The following FNBP1 variants were observed in gnomAD, a reference collection of about 807,000 sequenced individuals.
FNBP1 encodes formin-binding protein 1.
Under a neutral mutation model 90.6 loss-of-function variants are expected in FNBP1, and 26 were observed. The ratio of observed to expected loss-of-function variants is 0.29; its 90% CI spans 0.21 to 0.40. The LOEUF is 0.40. Among genes scored for constraint, FNBP1 ranks in the 10% least tolerant of loss-of-function variants. FNBP1 has a pLI of 1.00. For synonymous variants in FNBP1, 260 were observed against 265.2 expected, an observed-to-expected ratio of 0.98 and a Z score of 0.19; for missense variants, 635 against 768.0, an observed-to-expected ratio of 0.83 and a Z score of 2.05.
intron 1 of FNBP1, among the ~76,000 whole-genome samples, chr9:130,005,774 G>A (rs1049029125): frequency 6.6e-6 from 1 of 152,244 alleles, no homozygotes; most frequent in African/African-American, 2.4e-5. Flanking sequence ...AGAATTAGAA[G>A]GTTTATTTGT....
At chr9:129,925,990 G>C (rs1386641563) in intron 8 of FNBP1, among the ~76,000 whole-genome samples, 1 of 150,730 alleles carries the variant, frequency 6.6e-6, no homozygotes, top group Non-Finnish European at 1.5e-5. Context: ...GTTTGTTTTT[G>C]AGACAGAGTC....
At chr9:129,898,366 C>G (rs1351397219) in intron 15 of FNBP1, among the ~76,000 whole-genome samples, 1 of 152,176 alleles carries the variant, frequency 6.6e-6, no homozygotes, top group East Asian at 1.9e-4. Context: ...TCCAGCCACA[C>G]CACACCCATT....
chr9:129,993,224 C>CA (rs200526839), intron 2 of FNBP1, among the ~76,000 whole-genome samples: 106,164 of 129,912 alleles, frequency 0.82, 43,540 homozygotes, highest in East Asian at 0.9. Context: ...GAGACTGTCT[C>CA]AAAAAAAAAA....
At chr9:129,905,290 G>GTATATATATA (rs1435497753) in intron 12 of FNBP1, among the ~76,000 whole-genome samples, 1 of 57,976 alleles carries the variant, frequency 1.7e-5, no homozygotes, top group East Asian at 9.1e-4. Flanking sequence ...GTGTGTGTGT[G>GTATATATATA]TGTGTATATA....
intron 10 of FNBP1, among the ~76,000 whole-genome samples, chr9:129,917,188 A>G (rs1213233578): frequency 6.6e-6 from 1 of 150,906 alleles, no homozygotes; most frequent in Non-Finnish European, 1.5e-5. Context: ...AATGTTTTGT[A>G]TTTTTAGTAG....
intron 2 of FNBP1, among the ~76,000 whole-genome samples, chr9:129,993,515 A>T (rs1367627374): frequency 2.0e-5 from 3 of 148,630 alleles, no homozygotes; most frequent in Non-Finnish European, 3.0e-5. Context: ...GGGGCTCACT[A>T]TGTTGCCCAG....
rs2050652342 is a variant in FNBP1, at chr9:129,978,236, G to T, written c.345+229C>A. On this transcript the variant is annotated intron_variant, in intron 4 of 16. Transcript: ENST00000446176. ...GGGTTTCGCCATGTTGGTCAGGCTG[G>T]TCTCAAACTCCTCACTTTGTGATCC... The T allele has an allele frequency of 7.0e-5, 28 of 397,174 alleles. No individual in the cohort carries two copies. In the South Asian group the frequency reaches 9.4e-4, roughly 13 times the overall value. The allele number at this position is 397,174 out of a possible 1,614,324, so 24.6% of individuals were successfully genotyped here.
rs1383520800 is a variant in FNBP1 at position 129,998,195 on chromosome 9, C to CG, written c.25-3238dup. 9.3e-4 allele frequency among the ~76,000 whole-genome samples: 80 copies of CG among 86,096 alleles called. 2 individuals are homozygous for CG. The highest frequency in any genetic ancestry group is 3.7e-3 in the South Asian group (9 of 2,460). 56.5% of individuals were successfully genotyped at this position (86,096 alleles called of 152,430 possible). On this transcript the variant is annotated intron_variant, in intron 1 of 16. Coordinates refer to ENST00000446176, the MANE Select transcript of FNBP1 (RefSeq NM_015033.3). Reference sequence around the variant, plus strand: ...TGGGCGAAAGACAGAGACTCTGTCTCGAAAAAAAAAAAAAAAGAAAAAAAA... The same window carrying CG: ...TGGGCGAAAGACAGAGACTCTGTCTCGGAAAAAAAAAAAAAAAGAAAAAAAA...
rs567118147 is a variant in FNBP1 at position 129,944,570 on chromosome 9, TAAGAGATGAGGAGG to T, written c.513+12776_513+12789del. 6.6e-3 allele frequency among the ~76,000 whole-genome samples: 919 copies of T among 138,588 alleles called. 5 individuals are homozygous for T. The highest frequency in any genetic ancestry group is 0.025 in the Middle Eastern group (6 of 244). The allele number at this position is 138,588 out of a possible 152,430, so 90.9% of individuals were successfully genotyped here. ...AAAAAAAAAAAAGTAGACTAAAGGG[TAAGAGATGAGGAGG>T]AAGGAGGCAGAAATAATGCAAGGAG... On this transcript the variant is annotated intron_variant, in intron 6 of 16. Transcript: ENST00000446176.
chr9:130,048,298 G>A, the FNBP1 span, among the ~76,000 whole-genome samples: 5 of 101,022 alleles, frequency 4.9e-5, no homozygotes, highest in Admixed American at 3.1e-4. Flanking sequence ...CCTGGCGACA[G>A]AGCAAGACTC....
At position 130,042,848 on chromosome 9, in the gene FNBP1, C is replaced by T. The variant is rs147126801; in HGVS notation, c.24+104G>A. 9.7e-3 allele frequency: 7,344 copies of T among 754,476 alleles called. 40 individuals carry two copies. Among genetic ancestry groups the T allele is most frequent in the Middle Eastern group, 0.016 (35 of 2,232 alleles). 46.7% of individuals were successfully genotyped at this position (754,476 alleles called of 1,614,324 possible). On this transcript the variant is annotated intron_variant, in intron 1 of 16. Coordinates refer to ENST00000446176, the MANE Select transcript of FNBP1 (RefSeq NM_015033.3). The surrounding 1 kb of genome is among the most constrained non-coding windows in gnomAD (Gnocchi z 5.5). ...CAGGCCGCGAGGACCCCGACCAGCG[C>T]GCCCTCGCCTCCGCCCAGCAGCGCG...
In FNBP1 at chr9:129,900,159, G is replaced by A. The variant is rs1393818035; in HGVS notation, c.1551-58C>T. 6.7e-6 allele frequency: 10 copies of A among 1,501,966 alleles called. No individual in the cohort carries two copies. Among genetic ancestry groups the A allele is most frequent in the Non-Finnish European group, 8.9e-6 (10 of 1,121,754 alleles). 93.0% of individuals were successfully genotyped at this position (1,501,966 alleles called of 1,614,324 possible). A position where few individuals can be genotyped will look rare whatever the true frequency, so the allele number is the denominator to read the frequency against. ...AGCGACTGACCCCAGGGAGGACTCA[G>A]ATTGAGTCCCTGCGACTGGAGAGCA... On this transcript the variant is annotated intron_variant, in intron 14 of 16. Coordinates refer to ENST00000446176, the MANE Select transcript of FNBP1 (RefSeq NM_015033.3). This position sits in a 1 kb window ranked among gnomAD's most constrained non-coding sequence, Gnocchi z 4.1.
intron 6 of FNBP1, among the ~76,000 whole-genome samples, chr9:129,934,973 T>C (rs2132167346): frequency 6.6e-6 from 1 of 152,264 alleles, no homozygotes; most frequent in East Asian, 1.9e-4. Flanking sequence ...AGTTTCTAAA[T>C]AAAGAAAACA....
intron 4 of FNBP1, among the ~76,000 whole-genome samples, chr9:129,964,427 A>C (rs1475614141): frequency 6.6e-6 from 1 of 152,174 alleles, no homozygotes; most frequent in Admixed American, 6.6e-5. Context: ...AAAACATAAT[A>C]ATAAGCTAAA....
chr9:129,928,212 C>T (rs1402569033), intron 7 of FNBP1, among the ~76,000 whole-genome samples: 1 of 152,202 alleles, frequency 6.6e-6, no homozygotes, highest in Non-Finnish European at 1.5e-5. Flanking sequence ...GACAACCTAA[C>T]ATGAGCAAAA....
chr9:129,986,072 G>A (rs190673257), intron 2 of FNBP1, among the ~76,000 whole-genome samples: 338 of 151,488 alleles, frequency 2.2e-3, no homozygotes, highest in African/African-American at 7.8e-3. Context: ...GGAGGCTGAG[G>A]TTGCAGTGAG....
In FNBP1 at chr9:129,895,949, C is replaced by T. The variant is rs756715509; in HGVS notation, c.1735G>A (p.Val579Ile). The T allele has an allele frequency of 5.6e-6, 9 of 1,611,648 alleles. No individual in the cohort carries two copies. The highest frequency in any genetic ancestry group is 7.6e-6 in the Non-Finnish European group (9 of 1,179,230). ...ISVVEGETLY[V>I]IEEDKGDGWT... The stretch of plus-strand genomic sequence containing the variant: ...CCATCGCCTTTGTCTTCCTCTATGA[C>T]ATACAATGTTTCTCCTTCAACTACG... The change falls in exon 16 of 17, where the codon GTC becomes ATC. Residue 579 changes from valine to isoleucine, a missense_variant. Coordinates refer to ENST00000446176, the MANE Select transcript of FNBP1 (RefSeq NM_015033.3).
rs545683308 is a variant in FNBP1 at position 129,966,945 on chromosome 9, C to T, written c.346-8392G>A. ...GGAAGCAGAGAAATGAATTAGGAGG[C>T]TCAGCAGAGTCCTCTAGATGAGAGA... On this transcript the variant is annotated intron_variant, in intron 4 of 16. Transcript: ENST00000446176. The surrounding 1 kb of genome is among the most constrained non-coding windows in gnomAD (Gnocchi z 4.3). Among the ~76,000 whole-genome samples the T allele has an allele frequency of 1.3e-5, 2 of 152,222 alleles. No individual in the cohort carries two copies. Among genetic ancestry groups the T allele is most frequent in the East Asian group, 3.9e-4 (2 of 5,172 alleles).
At chr9:129,929,719 C>G (rs763695512) in intron 6 of FNBP1, 24 bp from the exon 7 acceptor site, 1 of 1,613,190 alleles carries the variant, frequency 6.2e-7, no homozygotes, top group Non-Finnish European at 8.5e-7. Flanking sequence ...CAAGAATACT[C>G]CTACGTTTAT....
Sources: allele counts gnomAD v4.1 joint callset (sites outside exome capture counted in the v4.1 genomes callset), GRCh38; gene constraint gnomAD v4.1.1; non-coding constraint Gnocchi (gnomAD v3.1); transcripts MANE v1.5; gene names NCBI Gene and HGNC (gene_info 2026-07-23, HGNC 2026-07-21).